MYO16: variants seen among roughly 807,000 people sequenced by gnomAD.
MYO16 encodes the protein myosin XVI.
In MYO16, 94 loss-of-function variants were observed where a neutral mutation model predicts 205.3. That is an observed-to-expected ratio of 0.46 (90% CI 0.39 to 0.54). MYO16 has a LOEUF of 0.54. Ranked by LOEUF, MYO16 falls within the 20% of genes least tolerant of loss-of-function variation. The pLI, the probability that MYO16 is intolerant of heterozygous loss-of-function variation, is 0.00. For synonymous variants in MYO16, 988 were observed against 954.0 expected, an observed-to-expected ratio of 1.04 and a Z score of -0.66; for missense variants, 2,315 against 2,387.5, an observed-to-expected ratio of 0.97 and a Z score of 0.63.
At chr13:108,946,302 G>A (rs1882939101) in intron 16 of MYO16, among the ~76,000 whole-genome samples, 1 of 151,946 alleles carries the variant, frequency 6.6e-6, no homozygotes, top group Non-Finnish European at 1.5e-5. Flanking sequence ...AAAAAAGGGG[G>A]TTTGACTTTT....
At chr13:108,573,017 C>T in the MYO16 span, among the ~76,000 whole-genome samples, 1 of 152,192 alleles carries the variant, frequency 6.6e-6, no homozygotes, top group African/African-American at 2.4e-5. Context: ...AGCCACTCTT[C>T]CCAGGATGAG....
chr13:108,961,998 G>A (rs761518459), intron 18 of MYO16, among the ~76,000 whole-genome samples: 4 of 152,142 alleles, frequency 2.6e-5, no homozygotes, highest in African/African-American at 9.7e-5. Context: ...TAAACAGAAT[G>A]TAATTAATTC....
At chr13:109,078,381 G>T (rs1888181898) in intron 27 of MYO16, among the ~76,000 whole-genome samples, 1 of 152,116 alleles carries the variant, frequency 6.6e-6, no homozygotes, top group Non-Finnish European at 1.5e-5. Context: ...AGAGGTTGCA[G>T]TGAGCTGAGA....
At chr13:108,656,803 G>T (rs375588662) in intron 1 of MYO16, among the ~76,000 whole-genome samples, 1 of 152,076 alleles carries the variant, frequency 6.6e-6, no homozygotes, top group Non-Finnish European at 1.5e-5. Context: ...ACCAGAATCC[G>T]CTTCATTCTC....
At chr13:109,199,185 A>T (rs1390440633) in intron 34 of MYO16, among the ~76,000 whole-genome samples, 2 of 117,744 alleles carry the variant, frequency 1.7e-5, no homozygotes, top group African/African-American at 3.1e-5. Context: ...ATGGTTTAAT[A>T]AAAAAGGTAT....
At chr13:108,976,945 A>G (rs1884282593) in intron 20 of MYO16, among the ~76,000 whole-genome samples, 1 of 152,152 alleles carries the variant, frequency 6.6e-6, no homozygotes, top group Non-Finnish European at 1.5e-5. Context: ...AGATGATTAC[A>G]ACTAAAAGCC....
At chr13:108,830,527 G>A (rs1174227885) in intron 9 of MYO16, among the ~76,000 whole-genome samples, 19 of 148,378 alleles carry the variant, frequency 1.3e-4, no homozygotes, top group Admixed American at 9.6e-4. Context: ...ACCAAACACC[G>A]CATATTCTCA....
At chr13:108,529,808 C>G in the MYO16 span, among the ~76,000 whole-genome samples, 34 of 152,336 alleles carry the variant, frequency 2.2e-4, no homozygotes, top group African/African-American at 7.5e-4. Context: ...ATGATCATCC[C>G]TGGTGCAACA....
chr13:108,887,961 G>A (rs548195211), intron 13 of MYO16, among the ~76,000 whole-genome samples: 21 of 152,102 alleles, frequency 1.4e-4, no homozygotes, highest in Admixed American at 6.6e-4. Flanking sequence ...TCTCGGGATC[G>A]CCTCACTTTA....
At chr13:108,775,814 T>G (rs1886105754) in intron 4 of MYO16, among the ~76,000 whole-genome samples, 1 of 152,342 alleles carries the variant, frequency 6.6e-6, no homozygotes, top group East Asian at 1.9e-4. Context: ...GAAATGCAAT[T>G]AATTCATTCA....
chr13:108,872,996 T>G (rs1445598878), intron 12 of MYO16, among the ~76,000 whole-genome samples: 1 of 152,226 alleles, frequency 6.6e-6, no homozygotes, highest in Non-Finnish European at 1.5e-5. Context: ...GACATACATT[T>G]TACATTGAAT....
At chr13:108,718,492 C>T (rs969921955) in intron 3 of MYO16, among the ~76,000 whole-genome samples, 1 of 151,568 alleles carries the variant, frequency 6.6e-6, no homozygotes, top group African/African-American at 2.4e-5. Context: ...CTGCATGTTC[C>T]TTGGAGGATG....
chr13:108,655,805 G>A (rs187863648), intron 1 of MYO16, among the ~76,000 whole-genome samples: 2 of 152,256 alleles, frequency 1.3e-5, no homozygotes, highest in African/African-American at 4.8e-5. Flanking sequence ...GCTTTAAAAT[G>A]TGACTGCCCC....
In MYO16 at chr13:108,665,814, A is replaced by G; in HGVS notation, c.29-72A>G. The G allele has an allele frequency of 2.8e-6, 4 of 1,448,964 alleles. No homozygotes were observed. The South Asian group carries it at 5.4e-5, about 20-fold the overall frequency. The allele number at this position is 1,448,964 out of a possible 1,614,324, so 89.8% of individuals were successfully genotyped here. A position where few individuals can be genotyped will look rare whatever the true frequency, so the allele number is the denominator to read the frequency against. On this transcript the variant is annotated intron_variant, in intron 1 of 34. Coordinates refer to ENST00000457511, the MANE Select transcript of MYO16 (RefSeq NM_001198950.3). The stretch of plus-strand genomic sequence containing the variant: ...CTGTGCAATGGACAATATAAAATCA[A>G]GTGTGCTGTGGTGCACACTTATAGT...
At chr13:108,954,587 A>G (rs1233816798) in intron 16 of MYO16, among the ~76,000 whole-genome samples, 1 of 152,020 alleles carries the variant, frequency 6.6e-6, no homozygotes, top group Non-Finnish European at 1.5e-5. Flanking sequence ...CTAAAAATAC[A>G]AAGAATTAGC....
chr13:108,657,558 G>A (rs983369009), intron 1 of MYO16, among the ~76,000 whole-genome samples: 5 of 147,776 alleles, frequency 3.4e-5, no homozygotes, highest in Non-Finnish European at 6.1e-5. Flanking sequence ...CTTTTTAATT[G>A]TAATGACATT....
At chr13:109,099,559 CACCT>C (rs1292506331) in intron 27 of MYO16, among the ~76,000 whole-genome samples, 1 of 152,182 alleles carries the variant, frequency 6.6e-6, no homozygotes, top group Non-Finnish European at 1.5e-5. Flanking sequence ...TCAAAGGCCC[CACCT>C]CTTAATATCA....
intron 3 of MYO16, among the ~76,000 whole-genome samples, chr13:108,714,438 T>G (rs1227656272): frequency 6.6e-6 from 1 of 152,176 alleles, no homozygotes; most frequent in African/African-American, 2.4e-5. Flanking sequence ...AACATATCAG[T>G]GCAAGTCATT....
At chr13:108,750,988 T>C (rs1027665925) in intron 4 of MYO16, among the ~76,000 whole-genome samples, 3 of 152,144 alleles carry the variant, frequency 2.0e-5, no homozygotes, top group African/African-American at 7.2e-5. Flanking sequence ...TATGAACTCA[T>C]GTTTAGCTTA....
Sources: allele counts gnomAD v4.1 joint callset (sites outside exome capture counted in the v4.1 genomes callset), GRCh38; gene constraint gnomAD v4.1.1; transcripts MANE v1.5; gene names NCBI Gene and HGNC (gene_info 2026-07-23, HGNC 2026-07-21).